The following WDR17 variants were observed in gnomAD, a reference collection of about 807,000 sequenced individuals.
WDR17 encodes the protein WD repeat-containing protein 17.
WDR17 carries 143 observed loss-of-function variants against 161.7 expected under a neutral mutation model. The ratio of observed to expected loss-of-function variants is 0.88; its 90% confidence interval spans 0.77 to 1.02. The LOEUF (loss-of-function observed/expected upper bound fraction) is 1.02. Among genes scored for constraint, WDR17 ranks in the 50% least tolerant of loss-of-function variants. WDR17 has a pLI of 0.00. For missense variants in WDR17, 1,469 were observed against 1,520.9 expected, an observed-to-expected ratio of 0.97 and a Z score of 0.57; for synonymous variants, 517 against 515.6, an observed-to-expected ratio of 1.00 and a Z score of -0.04.
chr4:176,080,053 G>T (rs565722745), intron 1 of WDR17, among the ~76,000 whole-genome samples: 4 of 152,068 alleles, frequency 2.6e-5, no homozygotes, highest in African/African-American at 9.6e-5. Flanking sequence ...CCACATTGGG[G>T]ATTAAGTTTC....
At chr4:176,119,412 C>A (rs1056503239) in intron 3 of WDR17, among the ~76,000 whole-genome samples, 1 of 152,024 alleles carries the variant, frequency 6.6e-6, no homozygotes, top group Non-Finnish European at 1.5e-5. Flanking sequence ...GTTTTTAAAT[C>A]CTTATAGTAG....
At chr4:176,116,087 A>G in intron 3 of WDR17, 108 bp downstream of exon 3, 1 of 1,112,514 alleles carries the variant, frequency 9.0e-7, no homozygotes, top group Admixed American at 3.2e-5. Flanking sequence ...AAACTTCTTA[A>G]TGGTAATCTG....
chr4:176,148,372 T>C, intron 13 of WDR17, 37 bp downstream of exon 13: 2 of 1,559,484 alleles, frequency 1.3e-6, no homozygotes, highest in South Asian at 2.3e-5. Context: ...ATTTGTTATA[T>C]TGACATACTA....
chr4:176,081,928 G>A (rs1033118380), intron 1 of WDR17, among the ~76,000 whole-genome samples: 2 of 152,086 alleles, frequency 1.3e-5, no homozygotes, highest in Admixed American at 6.6e-5. Flanking sequence ...AATTCCACCT[G>A]TACCAAAAGA....
At position 176,173,308 on chromosome 4, in the gene WDR17, C is replaced by T. The variant is rs201360043; in HGVS notation, c.3286C>T (p.Pro1096Ser). Residue 1096 changes from proline (P) to serine (S), a missense_variant, in exon 25 of 29, where the codon CCT (proline) becomes TCT (serine). Physicochemically the swap from Pro to Ser is moderately conservative, Grantham distance 74 (BLOSUM62 -1). Coordinates refer to ENST00000508596, the MANE Select transcript of WDR17 (RefSeq NM_181265.4). ...AGACTGGACTTTGGATACCATATAC[C>T]CTGTTCTTGACCTACTGAGCTATAT... is the stretch of plus-strand genomic sequence containing the variant. ...SSDWTLDTIY[P>S]VLDLLSYIRT... The T allele has an allele frequency of 2.0e-5, 33 of 1,613,088 alleles. No individual in the cohort carries two copies. The East Asian group carries it at 4.2e-4, about 21-fold the overall frequency.
At chr4:176,107,834 TTTCC>T (rs973266914) in intron 1 of WDR17, among the ~76,000 whole-genome samples, 95 of 151,766 alleles carry the variant, frequency 6.3e-4, no homozygotes, top group African/African-American at 2.0e-3. Context: ...CCTTCCTTCC[TTTCC>T]TTCCTTCCTT....
chr4:176,161,530 C>G (rs749220158), intron 20 of WDR17, among the ~76,000 whole-genome samples: 1 of 151,932 alleles, frequency 6.6e-6, no homozygotes, highest in Non-Finnish European at 1.5e-5. Context: ...CTGCCTTCCC[C>G]CATCCTTTCT....
At chr4:176,096,212 A>G (rs1736832731) in intron 1 of WDR17, among the ~76,000 whole-genome samples, 1 of 152,078 alleles carries the variant, frequency 6.6e-6, no homozygotes, top group African/African-American at 2.4e-5. Flanking sequence ...CCTGTTTCTT[A>G]TAAAAGTTAA....
chr4:176,093,972 A>G (rs1294534143), intron 1 of WDR17, among the ~76,000 whole-genome samples: 1 of 152,244 alleles, frequency 6.6e-6, no homozygotes, highest in Non-Finnish European at 1.5e-5. Context: ...GACATAAGAA[A>G]TAAGAACTAT....
At chr4:176,110,916 T>C (rs1739616345) in intron 1 of WDR17, among the ~76,000 whole-genome samples, 2 of 152,218 alleles carry the variant, frequency 1.3e-5, no homozygotes, top group Admixed American at 6.5e-5. Flanking sequence ...TCCAACATCC[T>C]CTGTCCTGCC....
intron 19 of WDR17, 145 bp downstream of exon 19, chr4:176,160,271 A>C (rs1487036471): frequency 2.3e-5 from 17 of 750,950 alleles, no homozygotes; most frequent in Non-Finnish European, 3.2e-5. Context: ...CTTCTTTCTC[A>C]ACATTTGAGA....
At chr4:176,122,321 G>T (rs779651254) in intron 4 of WDR17, among the ~76,000 whole-genome samples, 1 of 152,164 alleles carries the variant, frequency 6.6e-6, no homozygotes, top group Non-Finnish European at 1.5e-5. Context: ...GATCATCTGC[G>T]AAGGCCCTAA....
At position 176,149,887 on chromosome 4, in the gene WDR17, G is replaced by A; in HGVS notation, c.1978G>A (p.Ala660Thr). 1.2e-6 allele frequency: 2 copies of A among 1,614,034 alleles called. No homozygotes were observed. Among genetic ancestry groups the A allele is most frequent in the Non-Finnish European group, 1.7e-6 (2 of 1,180,008 alleles). Residue 660 changes from alanine to threonine, a missense_variant, in exon 14 of 29, where the codon GCC becomes ACC. Coordinates refer to ENST00000508596, the MANE Select transcript of WDR17 (RefSeq NM_181265.4). ...DSTVRLWSLT[A>T]LVTPVQINIL... is the part of the protein sequence containing the mutation. Reference sequence around the variant, plus strand: ...TACAGTGAGACTCTGGTCATTAACAGCCTTAGTCACTCCTGTACAAATAAA... The same window carrying A: ...TACAGTGAGACTCTGGTCATTAACAACCTTAGTCACTCCTGTACAAATAAA...
rs552409683 is a variant in WDR17, at chr4:176,083,121, C to T, written c.-7+17042C>T. Among the ~76,000 whole-genome samples, 392 of 152,088 alleles carry T rather than the reference C, an allele frequency of 2.6e-3. 1 individual carries two copies. The highest frequency in any genetic ancestry group is 6.8e-3 in the Middle Eastern group (2 of 294). On this transcript the variant is annotated intron_variant, in intron 1 of 28. Coordinates refer to ENST00000508596, the MANE Select transcript of WDR17 (RefSeq NM_181265.4). ...AATTAATAATATTTTATTCATGAGG[C>T]ACTGTGGCATACGTGGGGCATTTTA...
intron 1 of WDR17, among the ~76,000 whole-genome samples, chr4:176,087,976 T>A (rs1323233648): frequency 6.6e-6 from 1 of 152,058 alleles, no homozygotes; most frequent in Non-Finnish European, 1.5e-5. Context: ...TCTGAGTAGC[T>A]GGGACTACAG....
rs1745364133 is a variant in WDR17 at position 176,142,070 on chromosome 4, G to A, written c.1529+1G>A. On this transcript the variant is annotated splice_donor_variant, in intron 11 of 28. Transcript: ENST00000508596. LOFTEE classifies it high-confidence loss of function. Reference sequence around the variant, plus strand: ...GTTGTGATTGGAGCCAAAACAATAAGTAAGTGGTTTTTTTTCCTGAAATAA... The same window carrying A: ...GTTGTGATTGGAGCCAAAACAATAAATAAGTGGTTTTTTTTCCTGAAATAA... 6.2e-7 allele frequency: 1 copy of A among 1,606,488 alleles called. No individual in the cohort carries two copies. Among genetic ancestry groups the A allele is most frequent in the South Asian group, 1.1e-5 (1 of 89,542 alleles).
chr4:176,150,459 A>T lies in WDR17; in HGVS notation c.2179-9A>T, dbSNP rs775680888. The T allele has an allele frequency of 6.3e-7, 1 of 1,589,252 alleles. No individual in the cohort carries two copies. Among genetic ancestry groups the T allele is most frequent in the East Asian group, 2.2e-5 (1 of 44,574 alleles). On this transcript the variant is annotated splice_polypyrimidine_tract_variant and intron_variant, in intron 15 of 28. Coordinates refer to ENST00000508596, the MANE Select transcript of WDR17 (RefSeq NM_181265.4). ...ACTATTCCATATTTATTTTTTGTCA[A>T]CTCTTTAGCCTCCAGGTGGCAGTGA...
chr4:176,133,543 C>T (rs1743903369), intron 7 of WDR17, among the ~76,000 whole-genome samples: 1 of 151,340 alleles, frequency 6.6e-6, no homozygotes, highest in South Asian at 2.1e-4. Flanking sequence ...CTAAAAGCCG[C>T]TTGATTATAA....
intron 18 of WDR17, among the ~76,000 whole-genome samples, chr4:176,156,405 A>C (rs1174083878): frequency 6.6e-6 from 1 of 152,194 alleles, no homozygotes; most frequent in African/African-American, 2.4e-5. Flanking sequence ...CAGATCAGCA[A>C]ACATACTCAC....
Sources: allele counts gnomAD v4.1 joint callset (sites outside exome capture counted in the v4.1 genomes callset), GRCh38; gene constraint gnomAD v4.1.1; transcripts MANE v1.5; gene names NCBI Gene and HGNC (gene_info 2026-07-23, HGNC 2026-07-21).